ARFIP1: variants seen among roughly 807,000 people sequenced by gnomAD.
ARFIP1 encodes arfaptin-1.
A neutral mutation model predicts 42.5 loss-of-function variants in ARFIP1; 24 were observed. The ratio of observed to expected loss-of-function variants is 0.57; its 90% CI spans 0.41 to 0.80. The LOEUF (loss-of-function observed/expected upper bound fraction) is 0.80. Among genes scored for constraint, ARFIP1 ranks in the 30% least tolerant of loss-of-function variants. The pLI, the probability that ARFIP1 is intolerant of heterozygous loss-of-function variation, is 0.00. For missense variants in ARFIP1, 354 were observed against 434.0 expected, an observed-to-expected ratio of 0.82 and a Z score of 1.64; for synonymous variants, 141 against 153.7, an observed-to-expected ratio of 0.92 and a Z score of 0.61.
At chr4:152,832,325 A>G (rs1731317724) in intron 2 of ARFIP1, among the ~76,000 whole-genome samples, 1 of 152,232 alleles carries the variant, frequency 6.6e-6, no homozygotes, top group South Asian at 2.1e-4. Context: ...CTGTTCCCTG[A>G]TGACTATGAT....
chr4:152,882,789 G>A lies in ARFIP1; in HGVS notation c.700G>A (p.Ala234Thr), dbSNP rs200207883. 11 of 1,613,146 alleles carry A rather than the reference G, an allele frequency of 6.8e-6. No homozygotes were observed. The highest frequency in any genetic ancestry group is 9.3e-6 in the Non-Finnish European group (11 of 1,179,464). ...LAKNGETLLG[A>T]INFFIASVNT... ...TAAAAATGGAGAGACTCTTCTTGGG[G>A]CCATTAATTTTTTCATTGCTAGTGT... is the stretch of plus-strand genomic sequence containing the variant. The change falls in exon 7 of 9, where the codon GCC becomes ACC. Residue 234 changes from alanine to threonine, a missense_variant. Coordinates refer to ENST00000353617, the MANE Select transcript of ARFIP1 (RefSeq NM_001025595.3).
chr4:152,830,730 C>G (rs1731189115), intron 2 of ARFIP1, among the ~76,000 whole-genome samples: 1 of 152,132 alleles, frequency 6.6e-6, no homozygotes, highest in African/African-American at 2.4e-5. Flanking sequence ...CATTCCTGGC[C>G]TCTTCCTACT....
At chr4:152,856,455 AT>A (rs1170676001) in intron 2 of ARFIP1, among the ~76,000 whole-genome samples, 1 of 152,268 alleles carries the variant, frequency 6.6e-6, no homozygotes, top group African/African-American at 2.4e-5. Context: ...ACAATTAAAA[AT>A]AATACAGATT....
At chr4:152,905,113 C>T (rs1241022588) in intron 8 of ARFIP1, among the ~76,000 whole-genome samples, 1 of 152,152 alleles carries the variant, frequency 6.6e-6, no homozygotes, top group Non-Finnish European at 1.5e-5. Flanking sequence ...GGTTGATGGA[C>T]ATTTGGGTTG....
intron 2 of ARFIP1, among the ~76,000 whole-genome samples, chr4:152,835,939 A>G (rs1463071705): frequency 6.6e-6 from 1 of 152,088 alleles, no homozygotes; most frequent in Non-Finnish European, 1.5e-5. Context: ...GAGGACCCAG[A>G]GTCTTTTAAA....
intron 7 of ARFIP1, among the ~76,000 whole-genome samples, chr4:152,883,674 G>T (rs930058171): frequency 4.0e-5 from 6 of 150,542 alleles, no homozygotes; most frequent in Admixed American, 3.3e-4. Context: ...CCTGTTAAAT[G>T]GTGAACAAAA....
intron 5 of ARFIP1, among the ~76,000 whole-genome samples, chr4:152,879,048 T>G (rs939946080): frequency 2.0e-5 from 3 of 152,178 alleles, no homozygotes; most frequent in African/African-American, 7.2e-5. Context: ...GTTTCTCTTG[T>G]GATTTTCATT....
At chr4:152,889,667 A>C (rs1479507424) in intron 8 of ARFIP1, among the ~76,000 whole-genome samples, 3 of 130,412 alleles carry the variant, frequency 2.3e-5, no homozygotes, top group African/African-American at 8.7e-5. Flanking sequence ...TATATACACT[A>C]ATATATACTA....
At chr4:152,802,267 G>A (rs995851079) in intron 1 of ARFIP1, among the ~76,000 whole-genome samples, 24 of 152,262 alleles carry the variant, frequency 1.6e-4, no homozygotes, top group Middle Eastern at 3.4e-3. Context: ...AAGCACTGCA[G>A]CCTTCATTGT....
At chr4:152,820,823 G>A (rs553887892) in intron 1 of ARFIP1, among the ~76,000 whole-genome samples, 1 of 152,084 alleles carries the variant, frequency 6.6e-6, no homozygotes, top group Non-Finnish European at 1.5e-5. Context: ...TTTCTCCTGC[G>A]ACTGGCATCT....
intron 1 of ARFIP1, among the ~76,000 whole-genome samples, chr4:152,800,420 A>G (rs1728311662): frequency 6.6e-6 from 1 of 152,224 alleles, no homozygotes; most frequent in African/African-American, 2.4e-5. Flanking sequence ...AAAGGTCAAC[A>G]TAGCTTTTAA....
intron 1 of ARFIP1, among the ~76,000 whole-genome samples, chr4:152,824,744 G>A (rs988612594): frequency 4.6e-5 from 7 of 152,176 alleles, no homozygotes; most frequent in Admixed American, 1.3e-4. Context: ...TGGAAAAGAG[G>A]AAGTCCGGTG....
At chr4:152,826,154 A>G (rs900936420) in intron 1 of ARFIP1, among the ~76,000 whole-genome samples, 3 of 152,228 alleles carry the variant, frequency 2.0e-5, no homozygotes, top group Non-Finnish European at 2.9e-5. Flanking sequence ...AAAAGTCACT[A>G]TATCAAAACT....
intron 2 of ARFIP1, among the ~76,000 whole-genome samples, chr4:152,853,018 C>T (rs1347197704): frequency 6.6e-6 from 1 of 152,112 alleles, no homozygotes; most frequent in East Asian, 1.9e-4. Context: ...AGTAAAGAAC[C>T]CCAGCAGACA....
intron 8 of ARFIP1, among the ~76,000 whole-genome samples, chr4:152,908,891 AGTGTGTGTGTGTGT>A (rs58362465): frequency 2.2e-3 from 287 of 132,562 alleles, no homozygotes; most frequent in South Asian, 9.6e-3. Context: ...GCTAGAGAGA[AGTGTGTGTGTGTGT>A]GTGTGTGTGT....
At chr4:152,811,793 A>G (rs1019882938) in intron 1 of ARFIP1, among the ~76,000 whole-genome samples, 4 of 152,212 alleles carry the variant, frequency 2.6e-5, no homozygotes, top group Non-Finnish European at 5.9e-5. Context: ...TGAGTGAGGT[A>G]TCATGTATAT....
chr4:152,854,023 C>A (rs1430704306), intron 2 of ARFIP1, among the ~76,000 whole-genome samples: 1 of 150,848 alleles, frequency 6.6e-6, no homozygotes, highest in Non-Finnish European at 1.5e-5. Flanking sequence ...AGCAATTCTC[C>A]TGCCTCAACC....
intron 8 of ARFIP1, among the ~76,000 whole-genome samples, chr4:152,904,198 A>ATTTTTTT (rs36092561): frequency 1.1e-4 from 14 of 126,686 alleles, no homozygotes; most frequent in African/African-American, 4.6e-4. Flanking sequence ...ATATATATAT[A>ATTTTTTT]TTTTTTTTTT....
chr4:152,792,218 G>T (rs1378242201), intron 1 of ARFIP1, among the ~76,000 whole-genome samples: 1 of 152,086 alleles, frequency 6.6e-6, no homozygotes, highest in African/African-American at 2.4e-5. Flanking sequence ...AGAAGTTCTT[G>T]ATGCTGTATA....
Sources: allele counts gnomAD v4.1 joint callset (sites outside exome capture counted in the v4.1 genomes callset), GRCh38; gene constraint gnomAD v4.1.1; transcripts MANE v1.5; gene names NCBI Gene and HGNC (gene_info 2026-07-23, HGNC 2026-07-21).